ABHD3: variants seen among roughly 807,000 people sequenced by gnomAD.
ABHD3 encodes abhydrolase domain containing 3, phospholipase.
In ABHD3, 46 loss-of-function variants were observed where a neutral mutation model predicts 48.8. That is an observed-to-expected ratio of 0.94 (90% CI 0.74 to 1.20). The LOEUF (loss-of-function observed/expected upper bound fraction) is 1.20. ABHD3 is among the 50% of genes most tolerant of loss of function. The probability of loss-of-function intolerance (pLI) is 0.00; values close to 1 mark genes in which losing one functional copy is unlikely to be tolerated. For missense variants in ABHD3, 490 were observed against 497.8 expected, an observed-to-expected ratio of 0.98 and a Z score of 0.15; for synonymous variants, 192 against 183.7, an observed-to-expected ratio of 1.04 and a Z score of -0.36.
chr18:21,664,127 G>T lies in ABHD3; in HGVS notation c.659C>A (p.Ser220Ter), dbSNP rs1165476547. The T allele has an allele frequency of 6.2e-7, 1 of 1,608,380 alleles. No homozygotes were observed. Among genetic ancestry groups the T allele is most frequent in the East Asian group, 2.2e-5 (1 of 44,850 alleles). ...PSAPFLAAGV[S>*]MGGMLLLNYL... ...AAAGGGAAAACCTTACCCTCCCATT[G>T]AAACCCCTGCTGCCAGGAAAGGAGC... The change falls in exon 5 of 9, where the codon TCA becomes TAA. Residue 220 changes from serine to a stop codon, truncating the protein, a stop_gained. Coordinates refer to ENST00000289119, the MANE Select transcript of ABHD3 (RefSeq NM_138340.5). LOFTEE classifies it high-confidence loss of function.
chr18:21,665,762 A>C (rs2039609048), intron 4 of ABHD3, among the ~76,000 whole-genome samples: 1 of 151,206 alleles, frequency 6.6e-6, no homozygotes. Flanking sequence ...CAGTGAGCTG[A>C]GATCACGCCA....
rs928380767 is a variant in ABHD3, at chr18:21,651,168, C to T, written c.*423G>A. 1 of 153,796 alleles carries T rather than the reference C, an allele frequency of 6.5e-6. No homozygotes were observed. Among genetic ancestry groups the T allele is most frequent in the African/African-American group, 2.4e-5 (1 of 41,414 alleles). 9.5% of individuals were successfully genotyped at this position (153,796 alleles called of 1,614,324 possible). ...AACTATAAATACCCTTAGGAATGTA[C>T]CACCTTATAACTTACATTGAAATAG... On this transcript the variant is annotated 3_prime_UTR_variant, in exon 9 of 9. Transcript: ENST00000289119.
At chr18:21,694,070 C>G (rs996888222) in intron 3 of ABHD3, among the ~76,000 whole-genome samples, 4 of 152,044 alleles carry the variant, frequency 2.6e-5, no homozygotes, top group African/African-American at 9.7e-5. Context: ...GCTACTTCCT[C>G]TACATAAAAT....
intron 4 of ABHD3, among the ~76,000 whole-genome samples, chr18:21,676,671 A>G (rs1204041093): frequency 6.6e-6 from 1 of 152,214 alleles, no homozygotes; most frequent in Non-Finnish European, 1.5e-5. Flanking sequence ...GATTACCCGC[A>G]TAAGCCACCG....
At chr18:21,681,225 A>G (rs745394226) in intron 4 of ABHD3, among the ~76,000 whole-genome samples, 2 of 152,166 alleles carry the variant, frequency 1.3e-5, no homozygotes, top group South Asian at 2.1e-4. Context: ...GGGATTATCT[A>G]AAAGCACCCT....
chr18:21,677,736 T>A (rs1427166573), intron 4 of ABHD3, among the ~76,000 whole-genome samples: 2 of 152,036 alleles, frequency 1.3e-5, no homozygotes, highest in East Asian at 1.9e-4. Context: ...CAGGCTGGAG[T>A]GCAGTGGCGT....
chr18:21,694,082 T>TTC (rs1470616752), intron 3 of ABHD3, among the ~76,000 whole-genome samples: 1 of 151,704 alleles, frequency 6.6e-6, no homozygotes, highest in Non-Finnish European at 1.5e-5. Flanking sequence ...ACATAAAATA[T>TTC]TCTCAGGATC....
intron 3 of ABHD3, among the ~76,000 whole-genome samples, chr18:21,694,185 T>C (rs1044678076): frequency 3.3e-5 from 5 of 152,036 alleles, no homozygotes; most frequent in Non-Finnish European, 1.5e-5. Context: ...CTCGGCTCAC[T>C]GCAACCTCTG....
Position 21,659,482 on chromosome 18 carries a change from A to G in ABHD3, c.669-139T>C, listed in dbSNP as rs1197945021. On this transcript the variant is annotated intron_variant, in intron 5 of 8. Coordinates refer to ENST00000289119, the MANE Select transcript of ABHD3 (RefSeq NM_138340.5). ...TTTAAGTCCTCTATCCTGGAAAAGC[A>G]TGCAAGCATCTTCATTCTTTCCTTA... 4 of 765,216 alleles carry G rather than the reference A, an allele frequency of 5.2e-6. No homozygotes were observed. In the African/African-American group the frequency reaches 5.4e-5, roughly 10 times the overall value. 47.4% of individuals were successfully genotyped at this position (765,216 alleles called of 1,614,324 possible).
At chr18:21,680,815 CTCCT>C (rs1009924259) in intron 4 of ABHD3, among the ~76,000 whole-genome samples, 1 of 151,302 alleles carries the variant, frequency 6.6e-6, no homozygotes, top group Non-Finnish European at 1.5e-5. Flanking sequence ...TTTTTCTCTC[CTCCT>C]TCCTATTTGT....
At chr18:21,683,741 T>C in intron 4 of ABHD3, 179 bp downstream of exon 4, 1 of 418,952 alleles carries the variant, frequency 2.4e-6, no homozygotes, top group Non-Finnish European at 4.2e-6. Flanking sequence ...GGAATTTCCT[T>C]GGTTATACAA....
intron 4 of ABHD3, among the ~76,000 whole-genome samples, chr18:21,680,852 ATG>A (rs537497306): frequency 0.038 from 4,148 of 108,308 alleles, 89 homozygotes; most frequent in Middle Eastern, 0.13. Context: ...TCTTTTTCAA[ATG>A]TGTGTGTGTG....
In ABHD3 at chr18:21,651,544, G is replaced by A; in HGVS notation, c.*47C>T. 2 of 1,607,604 alleles carry A rather than the reference G, an allele frequency of 1.2e-6. No individual in the cohort carries two copies. Among genetic ancestry groups the A allele is most frequent in the South Asian group, 2.2e-5 (2 of 90,596 alleles). On this transcript the variant is annotated 3_prime_UTR_variant, in exon 9 of 9. Transcript: ENST00000289119. ...TAAAATTTGTGCACTAAGCTGAGCT[G>A]CCTTCACAATTGTGGTTCAGACAAA... is the stretch of plus-strand genomic sequence containing the variant.
chr18:21,670,196 G>A (rs1322170701), intron 4 of ABHD3, among the ~76,000 whole-genome samples: 3 of 152,098 alleles, frequency 2.0e-5, no homozygotes, highest in Non-Finnish European at 4.4e-5. Flanking sequence ...TGCAGTTCCA[G>A]CAGGCTCCGA....
intron 4 of ABHD3, among the ~76,000 whole-genome samples, chr18:21,669,751 C>T (rs927969400): frequency 3.9e-5 from 6 of 152,092 alleles, no homozygotes; most frequent in African/African-American, 1.2e-4. Context: ...AAATTGTGGG[C>T]GACATGGCAT....
rs2039208661 is a variant in ABHD3 at position 21,650,931 on chromosome 18, T to C, written c.*660A>G. ...AATGGTAGAATTTATTTTAATATAA[T>C]GATATATATGTGTCCACATATACTA... On this transcript the variant is annotated 3_prime_UTR_variant, in exon 9 of 9. Coordinates refer to ENST00000289119, the MANE Select transcript of ABHD3 (RefSeq NM_138340.5). 6.6e-6 allele frequency: 1 copy of C among 152,178 alleles called. No individual in the cohort carries two copies. The highest frequency in any genetic ancestry group is 1.5e-5 in the Non-Finnish European group (1 of 68,022). 9.4% of individuals were successfully genotyped at this position (152,178 alleles called of 1,614,324 possible). A position where few individuals can be genotyped will look rare whatever the true frequency, so the allele number is the denominator to read the frequency against.
intron 3 of ABHD3, among the ~76,000 whole-genome samples, chr18:21,693,910 G>A (rs965669945): frequency 1.3e-5 from 2 of 151,966 alleles, no homozygotes; most frequent in African/African-American, 2.4e-5. Flanking sequence ...TTGCTGTCTC[G>A]TTTTCCTTAG....
intron 1 of ABHD3, 112 bp downstream of exon 1, chr18:21,704,392 C>T: frequency 8.8e-7 from 1 of 1,130,358 alleles, no homozygotes; most frequent in Non-Finnish European, 1.1e-6. Flanking sequence ...GGGAGCAGCT[C>T]GCCGCCTATC....
chr18:21,701,070 G>T (rs943182688), intron 3 of ABHD3, among the ~76,000 whole-genome samples: 1 of 150,984 alleles, frequency 6.6e-6, no homozygotes, highest in Non-Finnish European at 1.5e-5. Flanking sequence ...TATAATTCTT[G>T]AACATCATAG....
Sources: allele counts gnomAD v4.1 joint callset (sites outside exome capture counted in the v4.1 genomes callset), GRCh38; gene constraint gnomAD v4.1.1; transcripts MANE v1.5; gene names NCBI Gene and HGNC (gene_info 2026-07-23, HGNC 2026-07-21).